Variants in ACTR3B observed in about 807,000 individuals in gnomAD.
ACTR3B encodes actin related protein 3B.
In ACTR3B, 8 loss-of-function variants were observed where a neutral mutation model predicts 59.0. The observed-to-expected ratio is 0.14, with a 90% confidence interval of 0.08 to 0.24. ACTR3B has a LOEUF of 0.24. Ranked by LOEUF, ACTR3B falls within the 10% of genes least tolerant of loss-of-function variation. The pLI is 1.00. For missense variants in ACTR3B, 245 were observed against 552.3 expected (o/e 0.44, Z 5.58); for synonymous variants, 148 against 197.9 (o/e 0.75, Z 2.12).
At chr7:152,822,075 A>G (rs1796213078) in intron 7 of ACTR3B, among the ~76,000 whole-genome samples, 1 of 152,238 alleles carries the variant, frequency 6.6e-6, no homozygotes, top group African/African-American at 2.4e-5. Flanking sequence ...CAGTCTTGGT[A>G]GATTTGAGGT....
At chr7:152,842,656 G>A (rs1239188692) in intron 9 of ACTR3B, among the ~76,000 whole-genome samples, 10 of 152,190 alleles carry the variant, frequency 6.6e-5, no homozygotes, top group African/African-American at 1.7e-4. Flanking sequence ...TCAGCGAGCG[G>A]CTGTGCCACA....
chr7:152,823,601 G>A (rs1174121841), intron 8 of ACTR3B, 86 bp downstream of exon 8: 1 of 1,460,888 alleles, frequency 6.8e-7, no homozygotes, highest in African/African-American at 1.4e-5. Context: ...TCCCAGCGAA[G>A]GGCCTGTGAG....
rs545785644 is a variant in ACTR3B, at chr7:152,855,215, A to G, written c.*662A>G. On this transcript the variant is annotated 3_prime_UTR_variant, in exon 12 of 12. Transcript: ENST00000256001. ...GTGACATGAAGTTTGAACACTAAAC[A>G]GTAATGTATGAGAATTACTACAGAT... 1.6e-4 allele frequency: 25 copies of G among 152,800 alleles called. No individual in the cohort carries two copies. Among genetic ancestry groups the G allele is most frequent in the Middle Eastern group, 6.8e-3 (2 of 294 alleles). 9.5% of individuals were successfully genotyped at this position (152,800 alleles called of 1,614,324 possible).
At chr7:152,827,517 C>A (rs1463831199) in intron 9 of ACTR3B, among the ~76,000 whole-genome samples, 1 of 151,326 alleles carries the variant, frequency 6.6e-6, no homozygotes, top group African/African-American at 2.5e-5. Flanking sequence ...AAAAATTAAT[C>A]CAAAATCTCA....
At chr7:152,836,333 C>T (rs1259305443) in intron 9 of ACTR3B, among the ~76,000 whole-genome samples, 7 of 151,800 alleles carry the variant, frequency 4.6e-5, no homozygotes, top group African/African-American at 7.3e-5. Context: ...CAGGGGCTCA[C>T]GCCTCTGTAA....
At chr7:152,847,641 G>T (rs1463248967) in intron 9 of ACTR3B, among the ~76,000 whole-genome samples, 1 of 152,162 alleles carries the variant, frequency 6.6e-6, no homozygotes, top group Non-Finnish European at 1.5e-5. Context: ...AGAAGTCAGG[G>T]CGGCAGAAGA....
chr7:152,759,977 C>A, intron 1 of ACTR3B, 51 bp downstream of exon 1: 1 of 1,294,108 alleles, frequency 7.7e-7, no homozygotes. Context: ...CCGCTCCCGG[C>A]CCCTGGCGTC....
intron 4 of ACTR3B, chr7:152,811,734 G>C (rs948290951): frequency 3.3e-5 from 5 of 151,866 alleles, no homozygotes; most frequent in African/African-American, 1.2e-4. Flanking sequence ...CAGTGACCAG[G>C]TTGGTATTGC....
At chr7:152,761,953 T>C (rs755792915) in intron 1 of ACTR3B, among the ~76,000 whole-genome samples, 1 of 152,186 alleles carries the variant, frequency 6.6e-6, no homozygotes, top group Non-Finnish European at 1.5e-5. Context: ...TCTGACAACA[T>C]CATAAGAGTC....
At chr7:152,823,233 G>A (rs1278768380) in intron 7 of ACTR3B, 109 bp from the exon 8 acceptor site, 27 of 1,473,246 alleles carry the variant, frequency 1.8e-5, no homozygotes, top group East Asian at 2.3e-5. Context: ...CGGTGGGGGC[G>A]GTTCTGATCC....
intron 9 of ACTR3B, among the ~76,000 whole-genome samples, chr7:152,834,310 C>T (rs781275832): frequency 1.7e-4 from 26 of 152,144 alleles, no homozygotes; most frequent in African/African-American, 3.1e-4. Flanking sequence ...CCCGCCACCA[C>T]GCCTGGCTGA....
At chr7:152,780,307 C>T (rs1261061582) in intron 1 of ACTR3B, among the ~76,000 whole-genome samples, 10 of 149,364 alleles carry the variant, frequency 6.7e-5, no homozygotes, top group Admixed American at 1.3e-4. Flanking sequence ...GCCGAGATCG[C>T]GCCACTGCAC....
intron 1 of ACTR3B, among the ~76,000 whole-genome samples, chr7:152,761,529 TGTC>T (rs1404898683): frequency 1.3e-5 from 2 of 152,138 alleles, no homozygotes; most frequent in Admixed American, 6.5e-5. Context: ...ATACCTAAAA[TGTC>T]GTGCTCAGTT....
intron 8 of ACTR3B, among the ~76,000 whole-genome samples, chr7:152,823,750 T>C (rs1451339560): frequency 6.6e-6 from 1 of 152,206 alleles, no homozygotes; most frequent in Non-Finnish European, 1.5e-5. Flanking sequence ...GGAAGACTTT[T>C]AGGAGCAATA....
chr7:152,828,772 C>A lies in ACTR3B; in HGVS notation c.951+3650C>A, dbSNP rs180897531. ...CAGGAGTGATGGTGCCGATTCCTGA[C>A]CTCGGCTACCTGTGTGCTTTCACTG... On this transcript the variant is annotated intron_variant, in intron 9 of 11. Transcript: ENST00000256001. 8.0e-4 allele frequency among the ~76,000 whole-genome samples: 122 copies of A among 152,082 alleles called. 1 individual carries two copies. The East Asian group carries it at 0.021, about 26-fold the overall frequency.
At chr7:152,800,478 T>C in intron 2 of ACTR3B, 53 bp from the exon 3 acceptor site, 1 of 1,593,414 alleles carries the variant, frequency 6.3e-7, no homozygotes, top group Non-Finnish European at 8.5e-7. Flanking sequence ...CTTTTGATCA[T>C]TTAAATAGAT....
chr7:152,818,500 G>T (rs1401364301), intron 6 of ACTR3B, among the ~76,000 whole-genome samples: 1 of 151,820 alleles, frequency 6.6e-6, no homozygotes, highest in Non-Finnish European at 1.5e-5. Context: ...GTCCAGGCTG[G>T]AGTGCAATGG....
At chr7:152,846,433 C>T (rs1379216548) in intron 9 of ACTR3B, among the ~76,000 whole-genome samples, 1 of 138,970 alleles carries the variant, frequency 7.2e-6, no homozygotes, top group Non-Finnish European at 1.5e-5. Flanking sequence ...AGTGTCCGGG[C>T]TGTAGTGTGT....
chr7:152,852,948 A>T (rs185513828), intron 10 of ACTR3B, among the ~76,000 whole-genome samples: 1 of 151,896 alleles, frequency 6.6e-6, no homozygotes, highest in African/African-American at 2.4e-5. Context: ...CCCGCCACCA[A>T]GCCCGGCTAA....
Sources: gnomAD v4.1 joint callset for allele counts (sites outside exome capture counted in the v4.1 genomes callset) on GRCh38, gnomAD v4.1.1 for gene constraint, MANE v1.5 for transcripts, NCBI Gene and HGNC (gene_info 2026-07-23, HGNC 2026-07-21) for gene names.